PTPRN2: variants seen among roughly 807,000 people sequenced by gnomAD.
PTPRN2 encodes the protein protein tyrosine phosphatase receptor type N2, also known as receptor-type tyrosine-protein phosphatase N2.
PTPRN2 carries 74 observed loss-of-function variants against 118.8 expected under a neutral mutation model. The observed-to-expected ratio is 0.62, with a 90% confidence interval of 0.52 to 0.76. The LOEUF is 0.76. Among genes scored for constraint, PTPRN2 ranks in the 30% least tolerant of loss-of-function variants. The probability of loss-of-function intolerance (pLI) is 0.00; values close to 1 mark genes in which losing one functional copy is unlikely to be tolerated. For synonymous variants in PTPRN2, 641 were observed against 608.0 expected (o/e 1.05, Z -0.80); for missense variants, 1,481 against 1,394.4 (o/e 1.06, Z -0.99).
intron 2 of PTPRN2, among the ~76,000 whole-genome samples, chr7:158,354,685 A>G (rs542028624): frequency 6.6e-6 from 1 of 152,320 alleles, no homozygotes; most frequent in Non-Finnish European, 1.5e-5. Flanking sequence ...AGAGAAAATT[A>G]CCTCAAAACA....
At position 157,874,224 on chromosome 7, in the gene PTPRN2, G is replaced by A. The variant is rs1052566403; in HGVS notation, c.1788+24449C>T. Among the ~76,000 whole-genome samples the A allele has an allele frequency of 3.3e-5, 5 of 152,230 alleles. No individual in the cohort carries two copies. Among genetic ancestry groups the A allele is most frequent in the Admixed American group, 6.5e-5 (1 of 15,286 alleles). On this transcript the variant is annotated intron_variant, in intron 12 of 22. Transcript: ENST00000389418. The surrounding 1 kb of genome is among the most constrained non-coding windows in gnomAD (Gnocchi z 5.8). ...CCTCTGTTTCCCCCTCCACAACTGG[G>A]CAGGCTGCTCCCTTCACCCCAACAC... is the stretch of plus-strand genomic sequence containing the variant.
intron 3 of PTPRN2, among the ~76,000 whole-genome samples, chr7:158,270,725 G>C (rs1798263688): frequency 6.6e-6 from 1 of 151,618 alleles, no homozygotes; most frequent in African/African-American, 2.4e-5. Context: ...CCTCTCCCTG[G>C]GGTGCCTTCT....
At chr7:157,936,018 G>T (rs1344456761) in intron 11 of PTPRN2, among the ~76,000 whole-genome samples, 1 of 152,124 alleles carries the variant, frequency 6.6e-6, no homozygotes, top group Non-Finnish European at 1.5e-5. Flanking sequence ...CAGCATCTGT[G>T]TCGCTCCCTC....
intron 12 of PTPRN2, among the ~76,000 whole-genome samples, chr7:157,707,391 C>G (rs547705824): frequency 1.3e-5 from 2 of 152,066 alleles, no homozygotes; most frequent in East Asian, 1.9e-4. Flanking sequence ...ACACCCCCCC[C>G]ACACACGTGG....
At chr7:157,908,985 A>G (rs188086561) in intron 11 of PTPRN2, among the ~76,000 whole-genome samples, 48 of 152,290 alleles carry the variant, frequency 3.2e-4, no homozygotes, top group African/African-American at 1.1e-3. Context: ...CAACTTTATG[A>G]AGATCGTCAT....
At chr7:158,066,794 G>A (rs1010561254) in intron 11 of PTPRN2, among the ~76,000 whole-genome samples, 16 of 152,006 alleles carry the variant, frequency 1.1e-4, no homozygotes, top group Admixed American at 3.9e-4. Flanking sequence ...CTCAGGATGT[G>A]ACACAAAGGA....
At position 157,669,047 on chromosome 7, in the gene PTPRN2, G is replaced by A. The variant is rs78199810; in HGVS notation, c.2002-12496C>T. Among the ~76,000 whole-genome samples, 758 of 152,338 alleles carry A rather than the reference G, an allele frequency of 5.0e-3. 11 individuals carry two copies. Among genetic ancestry groups the A allele is most frequent in the African/African-American group, 0.017 (723 of 41,578 alleles). Reference sequence around the variant, plus strand: ...CAGAGGAGCAGTAACCAATGATTTCGTTGAGGAGAGCGACTTTACACAAAC... The same window carrying A: ...CAGAGGAGCAGTAACCAATGATTTCATTGAGGAGAGCGACTTTACACAAAC... On this transcript the variant is annotated intron_variant, in intron 13 of 22. Coordinates refer to ENST00000389418, the MANE Select transcript of PTPRN2 (RefSeq NM_002847.5).
chr7:158,072,099 T>TGG, intron 11 of PTPRN2, among the ~76,000 whole-genome samples: 1 of 122,254 alleles, frequency 8.2e-6, no homozygotes, highest in Middle Eastern at 5.2e-3. Flanking sequence ...GTGCTCGTAG[T>TGG]ATGGAGGTGC....
chr7:157,662,606 C>A lies in PTPRN2; in HGVS notation c.2002-6055G>T, dbSNP rs1056881793. Among the ~76,000 whole-genome samples the A allele has an allele frequency of 3.9e-5, 6 of 152,168 alleles. No individual in the cohort carries two copies. The East Asian group carries it at 1.2e-3, about 29-fold the overall frequency. ...AGGCTCAGGCCCCAAGGCTAGGCCG[C>A]AATGGCACCTGCAGAGATGGGGAGG... On this transcript the variant is annotated intron_variant, in intron 13 of 22. Transcript: ENST00000389418.
intron 3 of PTPRN2, among the ~76,000 whole-genome samples, chr7:158,283,135 T>C (rs1563086182): frequency 1.3e-5 from 2 of 152,226 alleles, no homozygotes; most frequent in Admixed American, 6.5e-5. Context: ...GGAAGACGCA[T>C]TCGACAACAC....
intron 12 of PTPRN2, among the ~76,000 whole-genome samples, chr7:157,840,139 C>T (rs1259581251): frequency 1.5e-5 from 2 of 137,872 alleles, no homozygotes; most frequent in African/African-American, 2.8e-5. Context: ...GTGGCCGTCA[C>T]TGTTACCACA....
At chr7:157,657,901 G>GAC (rs144584402) in intron 13 of PTPRN2, among the ~76,000 whole-genome samples, 1 of 104,254 alleles carries the variant, frequency 9.6e-6, no homozygotes, top group African/African-American at 4.2e-5. Context: ...ACACATCACA[G>GAC]ACACACACAC....
chr7:158,400,890 T>C (rs1380995341), intron 2 of PTPRN2, among the ~76,000 whole-genome samples: 2 of 150,924 alleles, frequency 1.3e-5, no homozygotes, highest in Non-Finnish European at 3.0e-5. Flanking sequence ...GCAGCCCCCG[T>C]CCCACCCCCC....
At position 158,003,076 on chromosome 7, in the gene PTPRN2, C is replaced by A. The variant is rs1374469064; in HGVS notation, c.1723+78222G>T. Among the ~76,000 whole-genome samples the A allele has an allele frequency of 6.6e-6, 1 of 152,148 alleles. No individual in the cohort carries two copies. The highest frequency in any genetic ancestry group is 2.4e-5 in the African/African-American group (1 of 41,440). ...TGTCCCCCAAAATCCACAGGGGAAGCCCTGAACCCTCATGTGACTGTACTT... is the reference window on the plus strand; with the variant it reads ...TGTCCCCCAAAATCCACAGGGGAAGACCTGAACCCTCATGTGACTGTACTT... On this transcript the variant is annotated intron_variant, in intron 11 of 22. Transcript: ENST00000389418. This position sits in a 1 kb window ranked among gnomAD's most constrained non-coding sequence, Gnocchi z 5.0.
intron 3 of PTPRN2, among the ~76,000 whole-genome samples, chr7:158,314,914 A>T: frequency 6.6e-6 from 1 of 150,716 alleles, no homozygotes; most frequent in Non-Finnish European, 1.5e-5. Flanking sequence ...TGAACCCGGG[A>T]CGCCCTCAAG....
chr7:158,518,441 C>T (rs1241822051), intron 1 of PTPRN2, among the ~76,000 whole-genome samples: 2 of 152,288 alleles, frequency 1.3e-5, no homozygotes, highest in South Asian at 2.1e-4. Flanking sequence ...CTCAGTAGCT[C>T]AGGTGCCAAG....
intron 2 of PTPRN2, among the ~76,000 whole-genome samples, chr7:158,441,414 G>A (rs1392723151): frequency 2.0e-5 from 3 of 147,758 alleles, no homozygotes; most frequent in Non-Finnish European, 4.4e-5. Context: ...TGGTAGTGGT[G>A]GTGATGGTGA....
At position 157,677,937 on chromosome 7, in the gene PTPRN2, C is replaced by T. The variant is rs117735709; in HGVS notation, c.2001+4788G>A. The stretch of plus-strand genomic sequence containing the variant: ...CCTCCCGGGGCCTGGAGTCTGTTCC[C>T]GGACAATCTGCAAAACCGAATCCAC... On this transcript the variant is annotated intron_variant, in intron 13 of 22. Transcript: ENST00000389418. Among the ~76,000 whole-genome samples, 314 of 152,240 alleles carry T rather than the reference C, an allele frequency of 2.1e-3. 1 individual carries two copies. The highest frequency in any genetic ancestry group is 3.9e-3 in the Non-Finnish European group (265 of 68,034).
At chr7:157,940,853 TC>T (rs1800038425) in intron 11 of PTPRN2, among the ~76,000 whole-genome samples, 1 of 44,620 alleles carries the variant, frequency 2.2e-5, no homozygotes, top group Non-Finnish European at 3.3e-5. Context: ...TCTAACACTC[TC>T]CCCCACAACA....
Sources: allele counts gnomAD v4.1 joint callset (sites outside exome capture counted in the v4.1 genomes callset), GRCh38; gene constraint gnomAD v4.1.1; non-coding constraint Gnocchi (gnomAD v3.1); transcripts MANE v1.5; gene names NCBI Gene and HGNC (gene_info 2026-07-23, HGNC 2026-07-21).